Variants in OR6N1 observed in about 807,000 individuals in gnomAD.
OR6N1 encodes the protein olfactory receptor 6N1.
For missense variants in OR6N1, 394 were observed against 371.7 expected, an observed-to-expected ratio of 1.06 and a Z score of -0.49; for synonymous variants, 170 against 150.7, an observed-to-expected ratio of 1.13 and a Z score of -0.94.
rs760925941 is a variant in OR6N1 at position 158,765,700 on chromosome 1, C to T, written c.*44G>A. On this transcript the variant is annotated 3_prime_UTR_variant, in exon 2 of 2. Transcript: ENST00000641846. ...TCTGGCCACTGTTGATCCCTGGGGCCACCATATCCTCAGGCCCGGCCTTGG... is the reference window on the plus strand; with the variant it reads ...TCTGGCCACTGTTGATCCCTGGGGCTACCATATCCTCAGGCCCGGCCTTGG... 6.7e-7 allele frequency: 1 copy of T among 1,489,322 alleles called. No homozygotes were observed. 92.3% of individuals were successfully genotyped at this position (1,489,322 alleles called of 1,614,324 possible). A position where few individuals can be genotyped will look rare whatever the true frequency, so the allele number is the denominator to read the frequency against.
chr1:158,826,284 TA>T, the OR6N1 span, among the ~76,000 whole-genome samples: 1 of 152,192 alleles, frequency 6.6e-6, no homozygotes, highest in African/African-American at 2.4e-5. Flanking sequence ...AACATTTTTT[TA>T]AAAACATACT....
the OR6N1 span, among the ~76,000 whole-genome samples, chr1:158,782,642 G>C: frequency 2.6e-5 from 4 of 152,254 alleles, no homozygotes; most frequent in East Asian, 7.7e-4. Flanking sequence ...ATTTGGTCCT[G>C]TCAATTACTA....
the OR6N1 span, chr1:158,777,737 G>A: frequency 1.4e-6 from 1 of 718,876 alleles, no homozygotes; most frequent in African/African-American, 1.8e-5. Context: ...TAACTTAAAA[G>A]TAGCACTGAA....
the OR6N1 span, among the ~76,000 whole-genome samples, chr1:158,824,538 T>C: frequency 6.6e-6 from 1 of 152,136 alleles, no homozygotes; most frequent in Admixed American, 6.6e-5. Flanking sequence ...AACTCTGTTG[T>C]TTTTGGGTGG....
chr1:158,797,417 CA>C, the OR6N1 span, among the ~76,000 whole-genome samples: 1 of 152,216 alleles, frequency 6.6e-6, no homozygotes, highest in Non-Finnish European at 1.5e-5. Context: ...ACCCTCTGCA[CA>C]GCGTTTTTAC....
chr1:158,777,325 A>C, the OR6N1 span: 1 of 1,614,184 alleles, frequency 6.2e-7, no homozygotes, highest in Non-Finnish European at 8.5e-7. Flanking sequence ...CAAGGAGTGG[A>C]AGAAGTAGGT....
chr1:158,785,784 G>A, the OR6N1 span, among the ~76,000 whole-genome samples: 1 of 152,122 alleles, frequency 6.6e-6, no homozygotes, highest in Non-Finnish European at 1.5e-5. Flanking sequence ...AATTTATCCT[G>A]AGATTATAAT....
At chr1:158,829,369 C>T in the OR6N1 span, among the ~76,000 whole-genome samples, 135 of 152,268 alleles carry the variant, frequency 8.9e-4, no homozygotes, top group African/African-American at 3.2e-3. Flanking sequence ...TTAGAAATTT[C>T]TTCCATCAGA....
At chr1:158,799,719 C>T in the OR6N1 span, among the ~76,000 whole-genome samples, 18 of 152,192 alleles carry the variant, frequency 1.2e-4, no homozygotes, top group East Asian at 1.5e-3. Context: ...CAAAATTAAG[C>T]GACATCATGG....
chr1:158,803,692 C>T, the OR6N1 span, among the ~76,000 whole-genome samples: 2 of 152,176 alleles, frequency 1.3e-5, no homozygotes, highest in Non-Finnish European at 2.9e-5. Context: ...TTACAATGCC[C>T]ATGCATGATC....
the OR6N1 span, among the ~76,000 whole-genome samples, chr1:158,837,995 C>T: frequency 6.6e-6 from 1 of 151,752 alleles, no homozygotes; most frequent in Non-Finnish European, 1.5e-5. Flanking sequence ...TCCTTTACAG[C>T]TCCCCAACAC....
At chr1:158,811,756 T>C in the OR6N1 span, among the ~76,000 whole-genome samples, 11 of 152,278 alleles carry the variant, frequency 7.2e-5, no homozygotes, top group African/African-American at 2.6e-4. Flanking sequence ...CTGTAAAAGA[T>C]TTTCACACGG....
At chr1:158,803,055 C>T in the OR6N1 span, among the ~76,000 whole-genome samples, 40,882 of 151,838 alleles carry the variant, frequency 0.27, 6,199 homozygotes, top group South Asian at 0.56. Flanking sequence ...TTTTATTTTT[C>T]AGAATCAGGT....
chr1:158,799,469 C>T, the OR6N1 span, among the ~76,000 whole-genome samples: 1 of 152,136 alleles, frequency 6.6e-6, no homozygotes, highest in Admixed American at 6.5e-5. Context: ...GTTCTAAAAA[C>T]CCACAGTTGT....
upstream of OR6N1, chr1:158,776,473 A>T (rs1657596654): frequency 2.3e-6 from 1 of 434,522 alleles, no homozygotes; most frequent in Non-Finnish European, 4.0e-6. Flanking sequence ...AAAAAGAAGT[A>T]TGTAGATACT....
the OR6N1 span, among the ~76,000 whole-genome samples, chr1:158,806,409 T>C: frequency 4.6e-5 from 7 of 152,274 alleles, no homozygotes; most frequent in African/African-American, 1.7e-4. Context: ...ACTGAAGACA[T>C]TTATGTGGAA....
chr1:158,775,863 T>C (rs860780), upstream of OR6N1: 97,814 of 152,096 alleles, frequency 0.64, 32,030 homozygotes, highest in African/African-American at 0.77. Flanking sequence ...CAAGCTTTCA[T>C]GGTTAGAAAT....
the OR6N1 span, chr1:158,777,583 G>C: frequency 6.2e-7 from 1 of 1,614,024 alleles, no homozygotes; most frequent in Non-Finnish European, 8.5e-7. Flanking sequence ...GCCCACACTG[G>C]CAAAGCCAAG....
chr1:158,767,809 C>T (rs1447963016), intron 1 of OR6N1, among the ~76,000 whole-genome samples: 5 of 152,162 alleles, frequency 3.3e-5, no homozygotes, highest in East Asian at 3.8e-4. Context: ...GTCGGCTATA[C>T]GCATTGCCTT....
Sources: allele counts gnomAD v4.1 joint callset (sites outside exome capture counted in the v4.1 genomes callset), GRCh38; gene constraint gnomAD v4.1.1; transcripts MANE v1.5; gene names NCBI Gene and HGNC (gene_info 2026-07-23, HGNC 2026-07-21).